IGSF11: variants seen among roughly 807,000 people sequenced by gnomAD.
IGSF11 encodes the protein immunoglobulin superfamily member 11.
In IGSF11, 22 loss-of-function variants were observed where a neutral mutation model predicts 41.0. That is an observed-to-expected ratio of 0.54 (90% CI 0.38 to 0.77). The LOEUF (loss-of-function observed/expected upper bound fraction) is 0.77. Among genes scored for constraint, IGSF11 ranks in the 30% least tolerant of loss-of-function variants. The probability of loss-of-function intolerance (pLI) is 0.00; values close to 1 mark genes in which losing one functional copy is unlikely to be tolerated. For synonymous variants in IGSF11, 219 were observed against 201.3 expected (o/e 1.09, Z -0.74); for missense variants, 444 against 530.8 (o/e 0.84, Z 1.61).
chr3:118,925,060 T>C (rs1401731622), intron 4 of IGSF11, among the ~76,000 whole-genome samples: 1 of 152,196 alleles, frequency 6.6e-6, no homozygotes, highest in African/African-American at 2.4e-5. Flanking sequence ...GGAATCACTC[T>C]TAAAGTAATA....
chr3:119,086,833 G>A, intron 1 of IGSF11, among the ~76,000 whole-genome samples: 1 of 152,186 alleles, frequency 6.6e-6, no homozygotes, highest in Non-Finnish European at 1.5e-5. Flanking sequence ...GTACTATAAA[G>A]CAACTACTTA....
At chr3:119,109,537 C>T (rs1308557283), upstream of IGSF11, among the ~76,000 whole-genome samples, 1 of 152,056 alleles carries the variant, frequency 6.6e-6, no homozygotes, top group Non-Finnish European at 1.5e-5. Context: ...TTTCGAAAAA[C>T]CAGCTCCTGG....
chr3:118,998,175 T>C (rs1185107930), intron 1 of IGSF11, among the ~76,000 whole-genome samples: 2 of 152,172 alleles, frequency 1.3e-5, no homozygotes, highest in African/African-American at 2.4e-5. Context: ...GTCAGATGAG[T>C]TGGCTTATGA....
At chr3:119,064,509 C>CT (rs1942158309) in intron 1 of IGSF11, among the ~76,000 whole-genome samples, 3 of 124,712 alleles carry the variant, frequency 2.4e-5, no homozygotes, top group East Asian at 2.3e-4. Context: ...GCCTTGGCTG[C>CT]TCTTTTTTTT....
intron 1 of IGSF11, among the ~76,000 whole-genome samples, chr3:119,006,021 A>G (rs1265027438): frequency 8.6e-6 from 1 of 115,984 alleles, no homozygotes; most frequent in Non-Finnish European, 1.7e-5. Context: ...GCCTTGCTAG[A>G]TTGGGGAAGT....
At chr3:118,951,278 G>A (rs1376272553) in intron 1 of IGSF11, among the ~76,000 whole-genome samples, 1 of 152,152 alleles carries the variant, frequency 6.6e-6, no homozygotes, top group Non-Finnish European at 1.5e-5. Context: ...ATCAGGGACT[G>A]CAACTGGTGA....
intron 1 of IGSF11, among the ~76,000 whole-genome samples, chr3:119,122,528 A>C (rs2077347449): frequency 6.6e-6 from 1 of 152,240 alleles, no homozygotes; most frequent in African/African-American, 2.4e-5. Flanking sequence ...GCTCAGAGCC[A>C]GTGGACTAGG....
intron 1 of IGSF11, among the ~76,000 whole-genome samples, chr3:118,930,880 TA>T (rs1942791581): frequency 6.6e-6 from 1 of 152,110 alleles, no homozygotes; most frequent in South Asian, 2.1e-4. Flanking sequence ...TGACAAATTC[TA>T]AAAAATATAG....
intron 1 of IGSF11, among the ~76,000 whole-genome samples, chr3:118,963,308 T>G (rs903677557): frequency 6.6e-6 from 1 of 152,218 alleles, no homozygotes; most frequent in Non-Finnish European, 1.5e-5. Flanking sequence ...ATTCTACCTC[T>G]GATATTCTGG....
At position 118,930,195 on chromosome 3, in the gene IGSF11, T is replaced by A. The variant is rs1435693614; in HGVS notation, c.133A>T (p.Thr45Ser). 6.2e-7 allele frequency: 1 copy of A among 1,614,050 alleles called. No homozygotes were observed. Among genetic ancestry groups the A allele is most frequent in the Non-Finnish European group, 8.5e-7 (1 of 1,179,930 alleles). The change falls in exon 2 of 7, where the codon ACT (threonine) becomes TCT (serine). Residue 45 changes from threonine (T) to serine (S), a missense_variant. This residue lies in a region of IGSF11 where 193 missense variants were observed against 283.5 expected (regional missense o/e 0.68). Transcript: ENST00000393775. The stretch of plus-strand genomic sequence containing the variant: ...ATGAGGGCAGCGCTGGTAGTGAAAG[T>A]GCAGGGCAGGACTGCTGGCTGACCC... ...ARGQPAVLPCTFTTSAALINL... is the reference protein window; with the variant it reads ...ARGQPAVLPCSFTTSAALINL...
intron 4 of IGSF11, among the ~76,000 whole-genome samples, chr3:118,924,058 T>C (rs1195963089): frequency 2.0e-5 from 3 of 152,174 alleles, no homozygotes; most frequent in African/African-American, 7.2e-5. Flanking sequence ...CCATGATTCC[T>C]TGTATACACA....
At chr3:118,994,137 G>A (rs556384311) in intron 1 of IGSF11, among the ~76,000 whole-genome samples, 31 of 152,264 alleles carry the variant, frequency 2.0e-4, no homozygotes, top group African/African-American at 7.5e-4. Context: ...ATGAAGTAGA[G>A]CAATTATTCT....
At chr3:119,087,027 C>T (rs1480045962) in intron 1 of IGSF11, among the ~76,000 whole-genome samples, 1 of 152,166 alleles carries the variant, frequency 6.6e-6, no homozygotes, top group African/African-American at 2.4e-5. Flanking sequence ...TGTAATGACA[C>T]CCACAGGCTC....
intron 1 of IGSF11, among the ~76,000 whole-genome samples, chr3:119,024,189 C>T (rs1053951679): frequency 1.3e-5 from 2 of 152,088 alleles, no homozygotes; most frequent in African/African-American, 4.8e-5. Flanking sequence ...AGAATGAATA[C>T]ACATATTAAT....
At chr3:119,143,862 C>T (rs559451764) in intron 1 of IGSF11, among the ~76,000 whole-genome samples, 10 of 151,910 alleles carry the variant, frequency 6.6e-5, no homozygotes, top group South Asian at 6.2e-4. Flanking sequence ...TTATGAGGGA[C>T]GAAGAAGTGC....
intron 1 of IGSF11, among the ~76,000 whole-genome samples, chr3:118,934,683 C>A (rs11715148): frequency 0.075 from 11,417 of 152,246 alleles, 490 homozygotes; most frequent in East Asian, 0.13. Context: ...TGCATGCCCA[C>A]CTCCCAAATA....
chr3:118,938,254 C>T (rs2107551154), intron 1 of IGSF11, among the ~76,000 whole-genome samples: 1 of 152,308 alleles, frequency 6.6e-6, no homozygotes, highest in East Asian at 1.9e-4. Context: ...TGGCTATCAG[C>T]TTACGTATTC....
At chr3:118,977,020 G>T (rs1456630851) in intron 1 of IGSF11, among the ~76,000 whole-genome samples, 1 of 152,094 alleles carries the variant, frequency 6.6e-6, no homozygotes, top group East Asian at 1.9e-4. Context: ...ATTTATTAAT[G>T]GAAATTGATA....
intron 1 of IGSF11, among the ~76,000 whole-genome samples, chr3:118,996,946 C>T (rs548005820): frequency 2.9e-4 from 44 of 152,270 alleles, no homozygotes; most frequent in African/African-American, 1.0e-3. Flanking sequence ...GTGCCTAATA[C>T]ACTGTAGACA....
Sources: allele counts gnomAD v4.1 joint callset (sites outside exome capture counted in the v4.1 genomes callset), GRCh38; gene constraint gnomAD v4.1.1; regional missense constraint gnomAD v4.1.1; transcripts MANE v1.5; gene names NCBI Gene and HGNC (gene_info 2026-07-23, HGNC 2026-07-21).